Variants in GRHL2 observed in about 807,000 individuals in gnomAD.
GRHL2 encodes grainyhead-like protein 2 homolog.
GRHL2 carries 21 observed loss-of-function variants against 83.8 expected under a neutral mutation model. The observed-to-expected ratio is 0.25, with a 90% CI of 0.18 to 0.36. GRHL2 has a LOEUF of 0.36. Ranked by LOEUF, GRHL2 falls within the 10% of genes least tolerant of loss-of-function variation. The pLI is 1.00. For synonymous variants in GRHL2, 280 were observed against 278.9 expected, an observed-to-expected ratio of 1.00 and a Z score of -0.04; for missense variants, 623 against 781.8, an observed-to-expected ratio of 0.80 and a Z score of 2.42.
intron 4 of GRHL2, among the ~76,000 whole-genome samples, chr8:101,563,076 C>T (rs952525024): frequency 6.6e-6 from 1 of 152,170 alleles, no homozygotes; most frequent in Non-Finnish European, 1.5e-5. Flanking sequence ...ATATAAGCCT[C>T]ACAAAAGCCC....
intron 8 of GRHL2, among the ~76,000 whole-genome samples, chr8:101,606,180 G>T (rs985562137): frequency 6.6e-6 from 1 of 152,150 alleles, no homozygotes; most frequent in Non-Finnish European, 1.5e-5. Context: ...CATTTACCAG[G>T]GTGGTAATTG....
intron 7 of GRHL2, among the ~76,000 whole-genome samples, chr8:101,593,090 A>G (rs2130294333): frequency 6.6e-6 from 1 of 152,060 alleles, no homozygotes; most frequent in East Asian, 1.9e-4. Context: ...GGGATTACAG[A>G]CACTTGCCAC....
chr8:101,666,761 A>G lies in GRHL2; in HGVS notation c.*58A>G, dbSNP rs1814072222. The G allele has an allele frequency of 3.9e-6, 4 of 1,018,020 alleles. No individual in the cohort carries two copies. The highest frequency in any genetic ancestry group is 1.6e-5 in the African/African-American group (1 of 63,534). 63.1% of individuals were successfully genotyped at this position (1,018,020 alleles called of 1,614,324 possible). A position where few individuals can be genotyped will look rare whatever the true frequency, so the allele number is the denominator to read the frequency against. On this transcript the variant is annotated 3_prime_UTR_variant, in exon 16 of 16. Transcript: ENST00000646743. ...CTCAGTGCGTTCCTCCCTGAGAGAG[A>G]CAGAAGCCCCAGCCCCAGAACCTGG...
At chr8:101,506,835 C>CAAAAAAAA (rs10688299) in intron 1 of GRHL2, among the ~76,000 whole-genome samples, 1 of 147,112 alleles carries the variant, frequency 6.8e-6, no homozygotes. Flanking sequence ...ATTTGCAAGG[C>CAAAAAAAA]AAAAAAAAAA....
intron 4 of GRHL2, among the ~76,000 whole-genome samples, chr8:101,565,694 T>G (rs538739568): frequency 3.3e-4 from 50 of 152,332 alleles, no homozygotes; most frequent in African/African-American, 1.2e-3. Flanking sequence ...TCTCACATTT[T>G]GTTGGCTAGA....
At chr8:101,644,055 G>A (rs1372748944) in intron 12 of GRHL2, 76 bp from the exon 13 acceptor site, 2 of 1,289,066 alleles carry the variant, frequency 1.6e-6, no homozygotes, top group African/African-American at 1.5e-5. Flanking sequence ...GGGAAAGACA[G>A]AAACGGACAC....
rs534396520 is a variant in GRHL2, at chr8:101,594,069, C to CAA, written c.1004-4960_1004-4959dup. The stretch of plus-strand genomic sequence containing the variant: ...GGACAATAAGAGTGAGAGTCTGTAT[C>CAA]AAAAAAAAAAAAAAAAAAAAAAAAA... On this transcript the variant is annotated intron_variant, in intron 7 of 15. Coordinates refer to ENST00000646743, the MANE Select transcript of GRHL2 (RefSeq NM_024915.4). Among the ~76,000 whole-genome samples, 35 of 49,104 alleles carry CAA rather than the reference C, an allele frequency of 7.1e-4. 1 individual carries two copies. The highest frequency in any genetic ancestry group is 5.7e-3 in the East Asian group (8 of 1,394). 32.2% of individuals were successfully genotyped at this position (49,104 alleles called of 152,430 possible).
the GRHL2 span, among the ~76,000 whole-genome samples, chr8:101,680,835 A>C: frequency 2.4e-5 from 3 of 125,664 alleles, no homozygotes; most frequent in Non-Finnish European, 4.9e-5. Context: ...TACTGGGTAC[A>C]TAACGAAATG....
At chr8:101,562,754 C>G (rs564235516) in intron 4 of GRHL2, among the ~76,000 whole-genome samples, 1 of 152,290 alleles carries the variant, frequency 6.6e-6, no homozygotes, top group East Asian at 1.9e-4. Context: ...TTTTTATTAG[C>G]TCAGATCAGC....
chr8:101,594,119 A>AACAG (rs1812345828), intron 7 of GRHL2, among the ~76,000 whole-genome samples: 1 of 149,970 alleles, frequency 6.7e-6, no homozygotes, highest in South Asian at 2.1e-4. Context: ...GTGAAGGGGG[A>AACAG]ACAGATGCAG....
intron 2 of GRHL2, among the ~76,000 whole-genome samples, chr8:101,546,544 G>A (rs752350924): frequency 6.6e-6 from 1 of 151,872 alleles, no homozygotes; most frequent in Non-Finnish European, 1.5e-5. Context: ...CAGGTAGCTG[G>A]GATTAAGACA....
downstream of GRHL2, among the ~76,000 whole-genome samples, chr8:101,672,625 ACT>A (rs1814228798): frequency 6.6e-6 from 1 of 151,370 alleles, no homozygotes; most frequent in African/African-American, 2.5e-5. Context: ...GTTGGAAAAC[ACT>A]CTGCAGGATA....
intron 9 of GRHL2, among the ~76,000 whole-genome samples, chr8:101,627,923 A>T (rs1387635968): frequency 6.6e-6 from 1 of 152,154 alleles, no homozygotes; most frequent in Non-Finnish European, 1.5e-5. Context: ...GCTGAGAGAG[A>T]TGAGGAAGCT....
chr8:101,633,779 CTG>C (rs1813232955), intron 11 of GRHL2, among the ~76,000 whole-genome samples: 1 of 152,052 alleles, frequency 6.6e-6, no homozygotes, highest in Non-Finnish European at 1.5e-5. Flanking sequence ...TCTGCACTGT[CTG>C]TGCCCCATGG....
At chr8:101,552,856 G>A in intron 3 of GRHL2, 74 bp downstream of exon 3, 1 of 1,399,418 alleles carries the variant, frequency 7.1e-7, no homozygotes, top group Non-Finnish European at 9.9e-7. Flanking sequence ...TGTATGTTTT[G>A]TTCTTGAGAG....
At chr8:101,530,783 A>G (rs563571145) in intron 1 of GRHL2, among the ~76,000 whole-genome samples, 1 of 152,246 alleles carries the variant, frequency 6.6e-6, no homozygotes, top group South Asian at 2.1e-4. Context: ...CTTTTGCATA[A>G]TTTCTCTATT....
intron 14 of GRHL2, among the ~76,000 whole-genome samples, chr8:101,657,889 A>C (rs1181731414): frequency 6.6e-6 from 1 of 151,806 alleles, no homozygotes; most frequent in Non-Finnish European, 1.5e-5. Context: ...AAACCCAAGC[A>C]CTCCAAATCA....
At chr8:101,556,082 T>C (rs1811483391) in intron 3 of GRHL2, among the ~76,000 whole-genome samples, 1 of 152,122 alleles carries the variant, frequency 6.6e-6, no homozygotes. Context: ...CTCAGCCTCC[T>C]GAGTAGCTGG....
chr8:101,675,717 T>G, the GRHL2 span, among the ~76,000 whole-genome samples: 3 of 151,992 alleles, frequency 2.0e-5, 1 homozygote, highest in Admixed American at 6.5e-5. Flanking sequence ...TACTTTAAAG[T>G]TCATATGGAA....
Sources: gnomAD v4.1 joint callset for allele counts (sites outside exome capture counted in the v4.1 genomes callset) on GRCh38, gnomAD v4.1.1 for gene constraint, MANE v1.5 for transcripts, NCBI Gene and HGNC (gene_info 2026-07-23, HGNC 2026-07-21) for gene names.